ADAMTSL1: variants seen among roughly 807,000 people sequenced by gnomAD.
The protein encoded by ADAMTSL1 is ADAMTS like 1.
Under a neutral mutation model 201.8 loss-of-function variants are expected in ADAMTSL1, and 126 were observed. That is an observed-to-expected ratio of 0.62 (90% CI 0.54 to 0.72). ADAMTSL1 has a LOEUF of 0.72. ADAMTSL1 is among the 30% of genes least tolerant of loss of function. The pLI, the probability that ADAMTSL1 is intolerant of heterozygous loss-of-function variation, is 0.00. For missense variants in ADAMTSL1, 2,679 were observed against 2,277.8 expected (o/e 1.18, Z -3.59); for synonymous variants, 1,121 against 903.4 (o/e 1.24, Z -4.32).
At chr9:18,412,888 C>A (rs1376088448) in intron 2 of ADAMTSL1, among the ~76,000 whole-genome samples, 1 of 152,030 alleles carries the variant, frequency 6.6e-6, no homozygotes. Context: ...AGCTCTGGTT[C>A]CTTTAAATAG....
intron 4 of ADAMTSL1, among the ~76,000 whole-genome samples, chr9:18,578,891 T>C (rs1000479785): frequency 2.0e-5 from 3 of 151,114 alleles, no homozygotes; most frequent in African/African-American, 7.3e-5. Context: ...CCAGCACCTG[T>C]TGTTTCCTGA....
chr9:17,944,539 G>C (rs1360013630), intron 1 of ADAMTSL1, among the ~76,000 whole-genome samples: 1 of 151,004 alleles, frequency 6.6e-6, no homozygotes, highest in African/African-American at 2.4e-5. Context: ...AAAGCTGGAG[G>C]CATCACACTA....
At chr9:18,196,942 C>A (rs988079684) in intron 2 of ADAMTSL1, among the ~76,000 whole-genome samples, 2 of 152,078 alleles carry the variant, frequency 1.3e-5, no homozygotes, top group Non-Finnish European at 2.9e-5. Flanking sequence ...CTAGAGTAGG[C>A]CCCTATAGCT....
At chr9:18,592,633 T>G (rs1051159015) in intron 4 of ADAMTSL1, among the ~76,000 whole-genome samples, 1 of 152,218 alleles carries the variant, frequency 6.6e-6, no homozygotes, top group Non-Finnish European at 1.5e-5. Flanking sequence ...ATCTCTGTAG[T>G]AAAATTTGAA....
At chr9:18,435,242 AATAC>A in intron 2 of ADAMTSL1, among the ~76,000 whole-genome samples, 1 of 152,326 alleles carries the variant, frequency 6.6e-6, no homozygotes, top group Non-Finnish European at 1.5e-5. Context: ...AAAAGATGAA[AATAC>A]ATGGCCTCTG....
intron 3 of ADAMTSL1, among the ~76,000 whole-genome samples, chr9:18,565,270 A>C (rs1488178425): frequency 1.3e-5 from 2 of 152,214 alleles, no homozygotes; most frequent in Non-Finnish European, 2.9e-5. Context: ...GCACACCCAA[A>C]GTTTGAATAT....
At chr9:18,018,682 G>A (rs574618169) in intron 1 of ADAMTSL1, among the ~76,000 whole-genome samples, 2 of 152,144 alleles carry the variant, frequency 1.3e-5, no homozygotes, top group East Asian at 3.9e-4. Flanking sequence ...ACCCAATTGA[G>A]TCTTCGGATG....
At chr9:18,146,349 A>G (rs1466526853) in intron 1 of ADAMTSL1, among the ~76,000 whole-genome samples, 1 of 152,206 alleles carries the variant, frequency 6.6e-6, no homozygotes, top group Admixed American at 6.5e-5. Flanking sequence ...AGAAACCAAA[A>G]TATCCTTCAA....
intron 20 of ADAMTSL1, among the ~76,000 whole-genome samples, chr9:18,795,818 A>G (rs181552510): frequency 3.5e-4 from 53 of 152,348 alleles, no homozygotes; most frequent in Admixed American, 3.1e-3. Flanking sequence ...AATGTGAGCA[A>G]AGGTGATGTG....
At chr9:18,287,965 G>C (rs1013769085) in intron 2 of ADAMTSL1, among the ~76,000 whole-genome samples, 5 of 152,030 alleles carry the variant, frequency 3.3e-5, no homozygotes, top group Non-Finnish European at 7.4e-5. Context: ...CTTTTTTACT[G>C]ACAGTCCTTC....
At chr9:18,475,641 T>C (rs147093766) in intron 1 of ADAMTSL1, among the ~76,000 whole-genome samples, 2 of 152,308 alleles carry the variant, frequency 1.3e-5, no homozygotes, top group East Asian at 3.9e-4. Context: ...AATGTTTAGG[T>C]ATGCTTTATG....
chr9:18,677,149 T>A (rs547345801), intron 10 of ADAMTSL1, among the ~76,000 whole-genome samples: 13 of 152,074 alleles, frequency 8.5e-5, no homozygotes, highest in East Asian at 3.9e-4. Flanking sequence ...TTTCACCTAA[T>A]GATCACATAT....
chr9:18,382,531 A>G (rs1837600538), intron 2 of ADAMTSL1, among the ~76,000 whole-genome samples: 1 of 151,732 alleles, frequency 6.6e-6, no homozygotes, highest in African/African-American at 2.4e-5. Context: ...GAGTGTGAGG[A>G]ATGTTTGTTT....
intron 2 of ADAMTSL1, among the ~76,000 whole-genome samples, chr9:18,517,204 G>C (rs768078421): frequency 2.6e-5 from 4 of 152,112 alleles, no homozygotes; most frequent in Non-Finnish European, 5.9e-5. Flanking sequence ...TAAAGTGCAT[G>C]TCCTTCTTGC....
At chr9:18,582,494 A>T (rs1442797551) in intron 4 of ADAMTSL1, among the ~76,000 whole-genome samples, 1 of 152,102 alleles carries the variant, frequency 6.6e-6, no homozygotes, top group Admixed American at 6.5e-5. Context: ...ATGAGAGCAG[A>T]TCTTTCCTGG....
chr9:17,989,642 A>AAG (rs1281040253), intron 1 of ADAMTSL1, among the ~76,000 whole-genome samples: 45 of 151,962 alleles, frequency 3.0e-4, no homozygotes, highest in African/African-American at 1.1e-3. Context: ...AATTGAGAAT[A>AAG]CTCCCTTTGC....
chr9:18,261,100 TAGAG>T (rs1831904932), intron 2 of ADAMTSL1, among the ~76,000 whole-genome samples: 1 of 140,276 alleles, frequency 7.1e-6, no homozygotes, highest in Non-Finnish European at 1.5e-5. Context: ...TGGGGGAAGA[TAGAG>T]AGACCTGCTG....
chr9:18,838,402 C>CACACACAAAA (rs754001590), intron 23 of ADAMTSL1, among the ~76,000 whole-genome samples: 11 of 125,428 alleles, frequency 8.8e-5, no homozygotes, highest in Middle Eastern at 3.6e-3. Context: ...CACACACACA[C>CACACACAAAA]GCAAAAACCT....
At chr9:18,522,191 A>G (rs900289698) in intron 2 of ADAMTSL1, among the ~76,000 whole-genome samples, 1 of 152,180 alleles carries the variant, frequency 6.6e-6, no homozygotes, top group Non-Finnish European at 1.5e-5. Context: ...CCTAACAGGT[A>G]CTATGCTCAC....
Sources: gnomAD v4.1 joint callset for allele counts (sites outside exome capture counted in the v4.1 genomes callset) on GRCh38, gnomAD v4.1.1 for gene constraint, MANE v1.5 for transcripts, NCBI Gene and HGNC (gene_info 2026-07-23, HGNC 2026-07-21) for gene names.